GAN: variants seen among roughly 807,000 people sequenced by gnomAD.
GAN encodes epididymis secretory sperm binding protein.
In GAN, 48 loss-of-function variants were observed where a neutral mutation model predicts 71.3. The ratio of observed to expected loss-of-function variants is 0.67; its 90% CI spans 0.53 to 0.86. The LOEUF (loss-of-function observed/expected upper bound fraction) is 0.86, where lower values mean the gene tolerates loss of function less well. Among genes scored for constraint, GAN ranks in the 40% least tolerant of loss-of-function variants. The pLI, the probability that GAN is intolerant of heterozygous loss-of-function variation, is 0.00. For synonymous variants in GAN, 386 were observed against 276.8 expected (o/e 1.39, Z -3.92); for missense variants, 928 against 770.1 (o/e 1.21, Z -2.43).
At chr16:81,339,336 G>A (rs1327660612) in intron 1 of GAN, among the ~76,000 whole-genome samples, 1 of 152,212 alleles carries the variant, frequency 6.6e-6, no homozygotes, top group Non-Finnish European at 1.5e-5. Flanking sequence ...TACAGATACA[G>A]TTATTAAACG....
At chr16:81,341,253 A>C (rs1909931357) in intron 1 of GAN, among the ~76,000 whole-genome samples, 1 of 152,202 alleles carries the variant, frequency 6.6e-6, no homozygotes, top group African/African-American at 2.4e-5. Context: ...TCCCCAACCT[A>C]GGGAGGCAGG....
intron 1 of GAN, among the ~76,000 whole-genome samples, chr16:81,337,523 T>A (rs575765204): frequency 6.6e-6 from 1 of 152,332 alleles, no homozygotes; most frequent in East Asian, 1.9e-4. Context: ...TGACCAGGCC[T>A]ATTACCTGGG....
intron 1 of GAN, among the ~76,000 whole-genome samples, chr16:81,325,173 T>C (rs1025902512): frequency 6.6e-6 from 1 of 152,206 alleles, no homozygotes; most frequent in African/African-American, 2.4e-5. Context: ...ACTAGTGAAA[T>C]ACAGAGCTTA....
At chr16:81,358,567 C>A (rs962026832) in intron 5 of GAN, among the ~76,000 whole-genome samples, 1 of 151,742 alleles carries the variant, frequency 6.6e-6, no homozygotes, top group African/African-American at 2.4e-5. Flanking sequence ...CAAGATCACA[C>A]CACTGCATTC....
chr16:81,361,634 C>T (rs904144356), intron 5 of GAN, among the ~76,000 whole-genome samples: 6 of 152,214 alleles, frequency 3.9e-5, no homozygotes, highest in Non-Finnish European at 8.8e-5. Flanking sequence ...CTCTGTAGGT[C>T]CTAATTTTCC....
chr16:81,324,755 AC>A (rs1407703441), intron 1 of GAN, among the ~76,000 whole-genome samples: 6 of 152,164 alleles, frequency 3.9e-5, no homozygotes, highest in Admixed American at 2.6e-4. Flanking sequence ...GCTTTATCTT[AC>A]GGGCTATGGA....
chr16:81,345,505 C>G (rs552934875), intron 1 of GAN, among the ~76,000 whole-genome samples: 1 of 151,976 alleles, frequency 6.6e-6, no homozygotes, highest in Non-Finnish European at 1.5e-5. Context: ...ATCAGAAAAC[C>G]AAACAATGCA....
At position 81,381,185 on chromosome 16, in the gene GAN, T is replaced by G. The variant is rs538285389; in HGVS notation, c.*3589T>G. 1.3e-5 allele frequency: 2 copies of G among 152,292 alleles called. No individual in the cohort carries two copies. The highest frequency in any genetic ancestry group is 3.9e-4 in the East Asian group (2 of 5,186). The allele number at this position is 152,292 out of a possible 1,614,324, so 9.4% of individuals were successfully genotyped here. The stretch of plus-strand genomic sequence containing the variant: ...TTACTCATGGGTAGTTAAGTTTCAT[T>G]TCTAGAGAAATGTCTTAGCTGCTGT... On this transcript the variant is annotated 3_prime_UTR_variant, in exon 11 of 11. Transcript: ENST00000648994.
Position 81,381,896 on chromosome 16 carries a change from C to T in GAN, c.*4300C>T, listed in dbSNP as rs1452363106. The T allele has an allele frequency of 6.6e-6, 1 of 152,160 alleles. No homozygotes were observed. The highest frequency in any genetic ancestry group is 1.9e-4 in the East Asian group (1 of 5,192). 9.4% of individuals were successfully genotyped at this position (152,160 alleles called of 1,614,324 possible). On this transcript the variant is annotated 3_prime_UTR_variant, in exon 11 of 11. Transcript: ENST00000648994. The stretch of plus-strand genomic sequence containing the variant: ...GGAGCTGAAACTAGCATGGGCCGGC[C>T]TCCTATATGGAGCTGAAACTAGTAT...
chr16:81,327,102 C>T (rs1281943933), intron 1 of GAN, among the ~76,000 whole-genome samples: 2 of 152,184 alleles, frequency 1.3e-5, no homozygotes, highest in African/African-American at 2.4e-5. Flanking sequence ...TCAGCTCCCA[C>T]GAATTCAATT....
chr16:81,344,324 C>G (rs551953472), intron 1 of GAN, among the ~76,000 whole-genome samples: 2 of 151,580 alleles, frequency 1.3e-5, no homozygotes, highest in Non-Finnish European at 3.0e-5. Context: ...ACAAGAAGAA[C>G]AAAGAACAAA....
Position 81,385,423 on chromosome 16 carries a change from G to A in GAN, c.*7827G>A, listed in dbSNP as rs772280188. ...TGGTGGCAGGTGCATCTGGGCTTGGGGGCTTCTGCCACACTTACTACTCTG... is the reference window on the plus strand; with the variant it reads ...TGGTGGCAGGTGCATCTGGGCTTGGAGGCTTCTGCCACACTTACTACTCTG... On this transcript the variant is annotated 3_prime_UTR_variant, in exon 11 of 11. Coordinates refer to ENST00000648994, the MANE Select transcript of GAN (RefSeq NM_022041.4). The A allele has an allele frequency of 6.6e-6, 1 of 152,168 alleles. No individual in the cohort carries two copies. The highest frequency in any genetic ancestry group is 6.5e-5 in the Admixed American group (1 of 15,276). 9.4% of individuals were successfully genotyped at this position (152,168 alleles called of 1,614,324 possible). A position where few individuals can be genotyped will look rare whatever the true frequency, so the allele number is the denominator to read the frequency against.
intron 1 of GAN, among the ~76,000 whole-genome samples, chr16:81,317,651 T>A (rs1909086798): frequency 6.6e-6 from 1 of 152,268 alleles, no homozygotes; most frequent in South Asian, 2.1e-4. Flanking sequence ...TACTTAATGG[T>A]TGAACTAGGA....
intron 1 of GAN, among the ~76,000 whole-genome samples, chr16:81,350,463 C>T (rs1291315925): frequency 1.3e-5 from 2 of 152,106 alleles, no homozygotes; most frequent in African/African-American, 2.4e-5. Flanking sequence ...CATAATTCTA[C>T]TCCCAGGAGT....
chr16:81,390,136 A>G lies in GAN; in HGVS notation c.*12540A>G, dbSNP rs1904520377. 1 of 152,218 alleles carries G rather than the reference A, an allele frequency of 6.6e-6. No individual in the cohort carries two copies. Among genetic ancestry groups the G allele is most frequent in the Non-Finnish European group, 1.5e-5 (1 of 68,036 alleles). 9.4% of individuals were successfully genotyped at this position (152,218 alleles called of 1,614,324 possible). On this transcript the variant is annotated 3_prime_UTR_variant, in exon 11 of 11. Transcript: ENST00000648994. ...TACTACTGAAAAACAGGGATTTGCA[A>G]TGAAAATCATAGCTAAATAGGCAGG...
rs7191094 is a variant in GAN, at chr16:81,386,783, T to C, written c.*9187T>C. ...CCAACGTGGAGAAACCCCGTCTCTA[T>C]TAAAAATACAAAATTAGCCGGGCAT... On this transcript the variant is annotated 3_prime_UTR_variant, in exon 11 of 11. Coordinates refer to ENST00000648994, the MANE Select transcript of GAN (RefSeq NM_022041.4). 0.12 allele frequency: 18,171 copies of C among 152,138 alleles called. 1,414 individuals carry two copies. Among genetic ancestry groups the C allele is most frequent in the African/African-American group, 0.23 (9,348 of 41,470 alleles). The allele number at this position is 152,138 out of a possible 1,614,324, so 9.4% of individuals were successfully genotyped here. A position where few individuals can be genotyped will look rare whatever the true frequency, so the allele number is the denominator to read the frequency against.
chr16:81,368,277 A>G (rs1291171416), intron 9 of GAN, among the ~76,000 whole-genome samples: 2 of 152,146 alleles, frequency 1.3e-5, no homozygotes, highest in African/African-American at 2.4e-5. Context: ...TAGTAACACT[A>G]CTATCCTCCC....
chr16:81,378,279 A>G lies in GAN; in HGVS notation c.*683A>G, dbSNP rs1904289016. 1 of 154,312 alleles carries G rather than the reference A, an allele frequency of 6.5e-6. No individual in the cohort carries two copies. The highest frequency in any genetic ancestry group is 1.4e-5 in the Non-Finnish European group (1 of 69,452). 9.6% of individuals were successfully genotyped at this position (154,312 alleles called of 1,614,324 possible). On this transcript the variant is annotated 3_prime_UTR_variant, in exon 11 of 11. Transcript: ENST00000648994. ...GAGTCAGGTTGCAGCCCTCATGTGAACTGAAAGAAGTTGCTCGCTTCTGTG... is the reference window on the plus strand; with the variant it reads ...GAGTCAGGTTGCAGCCCTCATGTGAGCTGAAAGAAGTTGCTCGCTTCTGTG...
Position 81,351,572 on chromosome 16 carries a change from CCCT to C in GAN, c.168-10_168-8del, listed in dbSNP as rs1567490114. On this transcript the variant is annotated splice_polypyrimidine_tract_variant and splice_region_variant and intron_variant, in intron 1 of 10. Coordinates refer to ENST00000648994, the MANE Select transcript of GAN (RefSeq NM_022041.4). ...TTTCATAGAAATTTTACATTTTTTT[CCCT>C]TTCTTAGGACAAAGTTAAACTATAA... 8.9e-7 allele frequency: 1 copy of C among 1,118,492 alleles called. No individual in the cohort carries two copies. The allele number at this position is 1,118,492 out of a possible 1,614,324, so 69.3% of individuals were successfully genotyped here.
Sources: allele counts gnomAD v4.1 joint callset (sites outside exome capture counted in the v4.1 genomes callset), GRCh38; gene constraint gnomAD v4.1.1; transcripts MANE v1.5; gene names NCBI Gene and HGNC (gene_info 2026-07-23, HGNC 2026-07-21).